PCSK5: variants seen among roughly 807,000 people sequenced by gnomAD.
The protein encoded by PCSK5 is proprotein convertase subtilisin/kexin type 5.
Under a neutral mutation model 233.2 loss-of-function variants are expected in PCSK5, and 129 were observed. That is an observed-to-expected ratio of 0.55 (90% confidence interval 0.48 to 0.64). PCSK5 has a LOEUF of 0.64. Among genes scored for constraint, PCSK5 ranks in the 30% least tolerant of loss-of-function variants. The probability of loss-of-function intolerance (pLI) is 0.00; values close to 1 mark genes in which losing one functional copy is unlikely to be tolerated. For missense variants in PCSK5, 2,076 were observed against 2,430.1 expected, an observed-to-expected ratio of 0.85 and a Z score of 3.06; for synonymous variants, 825 against 879.2, an observed-to-expected ratio of 0.94 and a Z score of 1.09.
intron 5 of PCSK5, among the ~76,000 whole-genome samples, chr9:76,066,643 C>T (rs1830298257): frequency 6.6e-6 from 1 of 151,914 alleles, no homozygotes; most frequent in African/African-American, 2.4e-5. Context: ...TTATGCAATA[C>T]ATTAATAACC....
intron 9 of PCSK5, among the ~76,000 whole-genome samples, chr9:76,118,206 A>G (rs1349638620): frequency 6.6e-6 from 1 of 152,120 alleles, no homozygotes. Context: ...CCCAGAAACC[A>G]TCTGGCCTGT....
chr9:75,971,824 G>A (rs1296506722), intron 2 of PCSK5, among the ~76,000 whole-genome samples: 1 of 151,466 alleles, frequency 6.6e-6, no homozygotes, highest in Non-Finnish European at 1.5e-5. Flanking sequence ...CTGGATATTA[G>A]CCCTTTGTCA....
At chr9:76,023,043 G>A (rs549424122) in intron 3 of PCSK5, among the ~76,000 whole-genome samples, 20 of 152,292 alleles carry the variant, frequency 1.3e-4, no homozygotes, top group Non-Finnish European at 2.4e-4. Flanking sequence ...TTCTAGGCGC[G>A]TGGTTGAGAA....
At chr9:76,212,481 T>C (rs545481143) in intron 20 of PCSK5, among the ~76,000 whole-genome samples, 76 of 152,330 alleles carry the variant, frequency 5.0e-4, no homozygotes, top group Non-Finnish European at 9.4e-4. Flanking sequence ...AATACTGCCA[T>C]TGACAAAGTA....
In PCSK5 at chr9:76,149,955, T is replaced by C. The variant is rs561717294; in HGVS notation, c.1313-7090T>C. Among the ~76,000 whole-genome samples the C allele has an allele frequency of 2.6e-5, 4 of 152,232 alleles. No individual in the cohort carries two copies. In the East Asian group the frequency reaches 7.7e-4, roughly 29 times the overall value. On this transcript the variant is annotated intron_variant, in intron 10 of 37. Coordinates refer to ENST00000674117, the MANE Select transcript of PCSK5 (RefSeq NM_001372043.1). The stretch of plus-strand genomic sequence containing the variant: ...TTGACAGAAAGCAGACATATCTCCT[T>C]CTTGTTTTAACTCTGCAAATGAAAC...
intron 2 of PCSK5, among the ~76,000 whole-genome samples, chr9:75,967,630 C>G (rs765646704): frequency 6.6e-6 from 1 of 152,190 alleles, no homozygotes; most frequent in Non-Finnish European, 1.5e-5. Context: ...CATGCTAAAG[C>G]TTTCAAAAGG....
chr9:76,025,531 T>C (rs1828385934), intron 4 of PCSK5, among the ~76,000 whole-genome samples: 1 of 151,794 alleles, frequency 6.6e-6, no homozygotes. Flanking sequence ...AAGCAGCCCA[T>C]TTTTCATTTG....
intron 31 of PCSK5, among the ~76,000 whole-genome samples, chr9:76,322,039 T>C (rs2004025): frequency 0.35 from 52,443 of 151,908 alleles, 9,467 homozygotes; most frequent in African/African-American, 0.43. Context: ...AACTTCTGCC[T>C]CCCATGTTTA....
chr9:76,125,454 T>C (rs1214726567), intron 9 of PCSK5, among the ~76,000 whole-genome samples: 1 of 152,232 alleles, frequency 6.6e-6, no homozygotes, highest in African/African-American at 2.4e-5. Context: ...CTGTGGCTAA[T>C]TGTATGACTT....
rs374721688 is a variant in PCSK5 at position 75,942,673 on chromosome 9, A to C, written c.297+10190A>C. 6.2e-4 allele frequency among the ~76,000 whole-genome samples: 95 copies of C among 152,244 alleles called. 1 individual carries two copies. Among genetic ancestry groups the C allele is most frequent in the African/African-American group, 1.8e-3 (76 of 41,532 alleles). ...CTGACACCTATGACTGCCCTGGGAG[A>C]CAGGCTTAACAGACTTGTTCGAGGA... is the stretch of plus-strand genomic sequence containing the variant. On this transcript the variant is annotated intron_variant, in intron 2 of 37. Coordinates refer to ENST00000674117, the MANE Select transcript of PCSK5 (RefSeq NM_001372043.1).
chr9:76,064,595 A>G (rs1249005579), intron 5 of PCSK5, among the ~76,000 whole-genome samples: 20 of 130,650 alleles, frequency 1.5e-4, no homozygotes, highest in African/African-American at 1.8e-4. Context: ...CCGGGCGGAG[A>G]GGCTCCTCAC....
intron 1 of PCSK5, among the ~76,000 whole-genome samples, chr9:75,923,776 C>A (rs1330912770): frequency 6.6e-6 from 1 of 152,144 alleles, no homozygotes; most frequent in Non-Finnish European, 1.5e-5. Flanking sequence ...AGCTGTGCTC[C>A]TTCAGGAGAT....
chr9:76,027,109 G>C, intron 5 of PCSK5, 72 bp downstream of exon 5: 2 of 909,358 alleles, frequency 2.2e-6, no homozygotes, highest in Non-Finnish European at 3.5e-6. Flanking sequence ...ACTGAGGGAA[G>C]TATTTTCTTC....
intron 10 of PCSK5, among the ~76,000 whole-genome samples, chr9:76,134,722 A>G (rs73456493): frequency 0.014 from 2,054 of 152,138 alleles, 46 homozygotes; most frequent in African/African-American, 0.046. Flanking sequence ...CTTTATATAA[A>G]CTAAAAATTT....
chr9:76,127,407 G>C (rs1020285265), intron 9 of PCSK5, among the ~76,000 whole-genome samples: 1 of 152,146 alleles, frequency 6.6e-6, no homozygotes, highest in Admixed American at 6.5e-5. Context: ...CATCAAGAGA[G>C]AAGATCTCCC....
chr9:76,199,266 C>T (rs1287584306), intron 20 of PCSK5, among the ~76,000 whole-genome samples: 2 of 152,102 alleles, frequency 1.3e-5, no homozygotes, highest in African/African-American at 4.8e-5. Flanking sequence ...AGCATGTTAC[C>T]GTACTGAATA....
intron 8 of PCSK5, among the ~76,000 whole-genome samples, chr9:76,097,388 T>C (rs185189248): frequency 0.011 from 1,675 of 148,720 alleles, 134 homozygotes; most frequent in African/African-American, 0.04. Flanking sequence ...GCCTCCCGAG[T>C]AGCTGGGACT....
At chr9:76,222,511 C>T (rs1052401688) in intron 20 of PCSK5, among the ~76,000 whole-genome samples, 2 of 152,192 alleles carry the variant, frequency 1.3e-5, no homozygotes, top group African/African-American at 2.4e-5. Context: ...TTTCCCCCTA[C>T]CCTTAGGCCC....
At chr9:76,167,092 C>T (rs1380381598) in intron 12 of PCSK5, among the ~76,000 whole-genome samples, 2 of 152,174 alleles carry the variant, frequency 1.3e-5, no homozygotes, top group African/African-American at 4.8e-5. Flanking sequence ...ATTGAGGACC[C>T]ATTCCAGTGG....
Sources: allele counts gnomAD v4.1 joint callset (sites outside exome capture counted in the v4.1 genomes callset), GRCh38; gene constraint gnomAD v4.1.1; transcripts MANE v1.5; gene names NCBI Gene and HGNC (gene_info 2026-07-23, HGNC 2026-07-21).